Variants in ZCCHC7 observed in about 807,000 individuals in gnomAD.
ZCCHC7 encodes zinc finger CCHC-type containing 7, also known as zinc finger CCHC domain-containing protein 7.
A neutral mutation model predicts 52.0 loss-of-function variants in ZCCHC7; 35 were observed. The observed-to-expected ratio is 0.67, with a 90% confidence interval of 0.51 to 0.89. The LOEUF (loss-of-function observed/expected upper bound fraction) is 0.89, where lower values mean the gene tolerates loss of function less well. Among genes scored for constraint, ZCCHC7 ranks in the 40% least tolerant of loss-of-function variants. The pLI, the probability that ZCCHC7 is intolerant of heterozygous loss-of-function variation, is 0.00. For missense variants in ZCCHC7, 574 were observed against 649.1 expected (o/e 0.88, Z 1.26); for synonymous variants, 217 against 221.5 (o/e 0.98, Z 0.18).
At chr9:37,163,392 AAAAAAAAAAAAAG>A (rs573900316) in intron 2 of ZCCHC7, among the ~76,000 whole-genome samples, 16 of 151,588 alleles carry the variant, frequency 1.1e-4, no homozygotes, top group South Asian at 4.2e-4. Context: ...TCTCAAAAAA[AAAAAAAAAAAAAG>A]AAAAGAAAAA....
At chr9:37,147,314 C>G (rs1373464479) in intron 2 of ZCCHC7, 3 of 151,880 alleles carry the variant, frequency 2.0e-5, no homozygotes, top group Non-Finnish European at 4.4e-5. Context: ...AACATTTTGT[C>G]CCATAAAAAC....
At chr9:37,171,517 G>A (rs1821726423) in intron 2 of ZCCHC7, among the ~76,000 whole-genome samples, 1 of 152,114 alleles carries the variant, frequency 6.6e-6, no homozygotes, top group African/African-American at 2.4e-5. Flanking sequence ...TCCTGGGCTT[G>A]AGGAATCCTC....
At chr9:37,197,822 C>G in intron 2 of ZCCHC7, among the ~76,000 whole-genome samples, 1 of 152,048 alleles carries the variant, frequency 6.6e-6, no homozygotes, top group East Asian at 1.9e-4. Context: ...GTGGTTGTCT[C>G]TTTGGCATAG....
intron 2 of ZCCHC7, among the ~76,000 whole-genome samples, chr9:37,162,494 C>T (rs1821161431): frequency 6.6e-6 from 1 of 151,946 alleles, no homozygotes; most frequent in Non-Finnish European, 1.5e-5. Context: ...CAGTAGGGAC[C>T]CTTCAGGAGT....
At chr9:37,317,685 G>A (rs1468014692) in intron 5 of ZCCHC7, among the ~76,000 whole-genome samples, 1 of 152,052 alleles carries the variant, frequency 6.6e-6, no homozygotes, top group East Asian at 1.9e-4. Context: ...AACTCACGTA[G>A]TATAACATTA....
intron 2 of ZCCHC7, among the ~76,000 whole-genome samples, chr9:37,264,467 T>G (rs980438037): frequency 2.6e-5 from 4 of 152,152 alleles, no homozygotes; most frequent in East Asian, 1.9e-4. Context: ...GTCTTTTTTT[T>G]TGTGGAGGGC....
At chr9:37,186,096 G>A (rs1173561653) in intron 2 of ZCCHC7, among the ~76,000 whole-genome samples, 2 of 152,076 alleles carry the variant, frequency 1.3e-5, no homozygotes, top group African/African-American at 4.8e-5. Context: ...ATTTTGTGGG[G>A]TTGGGGGTGT....
chr9:37,162,924 C>T (rs896972189), intron 2 of ZCCHC7, among the ~76,000 whole-genome samples: 4 of 151,978 alleles, frequency 2.6e-5, no homozygotes, highest in African/African-American at 7.3e-5. Context: ...AAATACAGGC[C>T]GGGTACTGTG....
intron 2 of ZCCHC7, among the ~76,000 whole-genome samples, chr9:37,139,288 A>G (rs1843122834): frequency 6.6e-6 from 1 of 151,938 alleles, no homozygotes; most frequent in Non-Finnish European, 1.5e-5. Flanking sequence ...ATATTTGTTG[A>G]TTGTGCAAAT....
At chr9:37,208,381 C>T (rs185320316) in intron 2 of ZCCHC7, among the ~76,000 whole-genome samples, 5 of 152,152 alleles carry the variant, frequency 3.3e-5, no homozygotes, top group African/African-American at 7.2e-5. Context: ...CCACCACTCC[C>T]GGCCTATTAA....
At chr9:37,219,127 A>T (rs1824680196) in intron 2 of ZCCHC7, among the ~76,000 whole-genome samples, 1 of 152,126 alleles carries the variant, frequency 6.6e-6, no homozygotes, top group African/African-American at 2.4e-5. Flanking sequence ...TTAAAAATGA[A>T]AACTAAAAAC....
chr9:37,155,648 C>G (rs1414214649), intron 2 of ZCCHC7, among the ~76,000 whole-genome samples: 1 of 152,168 alleles, frequency 6.6e-6, no homozygotes, highest in Non-Finnish European at 1.5e-5. Flanking sequence ...GAAATTGAAT[C>G]TTACAGAGTT....
intron 2 of ZCCHC7, among the ~76,000 whole-genome samples, chr9:37,199,672 CTCTCTG>C (rs1185298392): frequency 0.038 from 2,724 of 72,192 alleles, 82 homozygotes; most frequent in African/African-American, 0.12. Context: ...GTCTGTCTTT[CTCTCTG>C]TCTGTCTGTC....
intron 2 of ZCCHC7, among the ~76,000 whole-genome samples, chr9:37,157,082 A>G (rs568989819): frequency 8.6e-5 from 13 of 151,882 alleles, no homozygotes; most frequent in African/African-American, 2.4e-4. Flanking sequence ...CACCAAAACA[A>G]TGAAAACAGA....
chr9:37,225,591 A>G (rs1292095501), intron 2 of ZCCHC7, among the ~76,000 whole-genome samples: 1 of 152,218 alleles, frequency 6.6e-6, no homozygotes, highest in Non-Finnish European at 1.5e-5. Flanking sequence ...TTAATATGTC[A>G]TGATCAAGTG....
At chr9:37,311,772 A>T (rs1275027189) in intron 5 of ZCCHC7, among the ~76,000 whole-genome samples, 4 of 152,216 alleles carry the variant, frequency 2.6e-5, no homozygotes, top group Non-Finnish European at 5.9e-5. Context: ...AATATTTTTC[A>T]CAGTGCAAAA....
intron 2 of ZCCHC7, among the ~76,000 whole-genome samples, chr9:37,149,901 C>T (rs1200915990): frequency 6.6e-6 from 1 of 152,138 alleles, no homozygotes; most frequent in Non-Finnish European, 1.5e-5. Context: ...AAAATCAAGA[C>T]GCTGCTAAAA....
chr9:37,265,143 G>A (rs868077928), intron 2 of ZCCHC7, among the ~76,000 whole-genome samples: 2 of 152,084 alleles, frequency 1.3e-5, no homozygotes, highest in Admixed American at 6.6e-5. Context: ...TTTGAGAAAG[G>A]AATCTTTCAG....
chr9:37,275,318 C>CTTTTTTTTTTTTTTTTTTTTTTTTTTTT (rs35954918), intron 2 of ZCCHC7, among the ~76,000 whole-genome samples: 1 of 124,030 alleles, frequency 8.1e-6, no homozygotes. Flanking sequence ...TCTAGTTTTC[C>CTTTTTTTTTTTTTTTTTTTTTTTTTTTT]TTTTTTTTTT....
Sources: allele counts gnomAD v4.1 joint callset (sites outside exome capture counted in the v4.1 genomes callset), GRCh38; gene constraint gnomAD v4.1.1; transcripts MANE v1.5; gene names NCBI Gene and HGNC (gene_info 2026-07-23, HGNC 2026-07-21).